The following DPY19L1 variants were observed in gnomAD, a reference collection of about 807,000 sequenced individuals.
DPY19L1 encodes protein C-mannosyl-transferase DPY19L1.
A neutral mutation model predicts 96.9 loss-of-function variants in DPY19L1; 35 were observed. That is an observed-to-expected ratio of 0.36 (90% CI 0.28 to 0.48). DPY19L1 has a LOEUF of 0.48. Ranked by LOEUF, DPY19L1 falls within the 20% of genes least tolerant of loss-of-function variation. The pLI, the probability that DPY19L1 is intolerant of heterozygous loss-of-function variation, is 0.99. For synonymous variants in DPY19L1, 205 were observed against 252.6 expected (o/e 0.81, Z 1.79); for missense variants, 521 against 777.9 (o/e 0.67, Z 3.93).
chr7:34,964,592 T>C (rs1415066319), intron 10 of DPY19L1, among the ~76,000 whole-genome samples: 2 of 152,162 alleles, frequency 1.3e-5, no homozygotes, highest in Admixed American at 1.3e-4. Flanking sequence ...TTAATGTTAA[T>C]TCATTATAGT....
At chr7:35,037,836 G>A (rs1462285747), upstream of DPY19L1, 3 of 1,231,598 alleles carry the variant, frequency 2.4e-6, no homozygotes, top group Non-Finnish European at 3.0e-6. Context: ...CGCCCGCGCG[G>A]GGCTCGGCCG....
At chr7:35,037,610 C>G, upstream of DPY19L1, 1 of 245,908 alleles carries the variant, frequency 4.1e-6, no homozygotes, top group Non-Finnish European at 7.6e-6. Context: ...CGGCGCCGGA[C>G]TTGCTAGCCC....
At chr7:34,999,692 T>A (rs1785377754) in intron 6 of DPY19L1, among the ~76,000 whole-genome samples, 1 of 152,210 alleles carries the variant, frequency 6.6e-6, no homozygotes, top group Admixed American at 6.5e-5. Flanking sequence ...ATGGATTTTA[T>A]ACATTTGACA....
chr7:35,021,316 T>C (rs1785990569), intron 1 of DPY19L1, among the ~76,000 whole-genome samples: 1 of 152,190 alleles, frequency 6.6e-6, no homozygotes. Context: ...CATCCCTCTA[T>C]GTCCTTAAAA....
chr7:35,001,111 T>C (rs190869000), intron 6 of DPY19L1, among the ~76,000 whole-genome samples: 66 of 152,320 alleles, frequency 4.3e-4, no homozygotes, highest in Non-Finnish European at 7.2e-4. Context: ...GAAAACCATA[T>C]GGATTAAATG....
In DPY19L1 at chr7:34,990,668, T is replaced by G. The variant is rs369308481; in HGVS notation, c.765-727A>C. 9.9e-5 allele frequency among the ~76,000 whole-genome samples: 15 copies of G among 152,266 alleles called. No homozygotes were observed. The East Asian group carries it at 2.1e-3, about 22-fold the overall frequency. ...TAACCTTCATTTGCTCAGATGAGAG[T>G]GAAATATGTTCCCTATTGTCCCCCA... On this transcript the variant is annotated intron_variant, in intron 6 of 21. Transcript: ENST00000638088.
chr7:34,985,896 G>A lies in DPY19L1; in HGVS notation c.822+3988C>T, dbSNP rs978817284. On this transcript the variant is annotated intron_variant, in intron 7 of 21. Transcript: ENST00000638088. ...GCATTATTCACAATAGCCAAGACAC[G>A]GAAGCAACCCTAAGTGTCCATAAAG... is the stretch of plus-strand genomic sequence containing the variant. Among the ~76,000 whole-genome samples the A allele has an allele frequency of 5.3e-5, 8 of 151,854 alleles. 1 individual carries two copies. The highest frequency in any genetic ancestry group is 3.9e-4 in the Admixed American group (6 of 15,234).
chr7:35,011,900 A>G (rs572808466), intron 4 of DPY19L1, among the ~76,000 whole-genome samples: 1 of 152,364 alleles, frequency 6.6e-6, no homozygotes, highest in East Asian at 1.9e-4. Flanking sequence ...GAATGTTTTA[A>G]CAGATATTAA....
intron 1 of DPY19L1, among the ~76,000 whole-genome samples, chr7:35,028,914 G>A (rs1786195122): frequency 6.6e-6 from 1 of 152,134 alleles, no homozygotes; most frequent in Non-Finnish European, 1.5e-5. Context: ...TGGTGGATAT[G>A]TCTTTTAGCA....
intron 7 of DPY19L1, among the ~76,000 whole-genome samples, chr7:34,983,477 A>T (rs1784981989): frequency 6.6e-6 from 1 of 151,324 alleles, no homozygotes; most frequent in Non-Finnish European, 1.5e-5. Context: ...AAATTCTAAG[A>T]AGGAACGAAG....
intron 15 of DPY19L1, 150 bp from the exon 16 acceptor site, chr7:34,945,866 A>G: frequency 1.6e-6 from 1 of 641,930 alleles, no homozygotes; most frequent in Non-Finnish European, 2.7e-6. Flanking sequence ...ACATAATCTT[A>G]TATTTGTATA....
intron 6 of DPY19L1, among the ~76,000 whole-genome samples, chr7:35,009,296 T>C (rs1453443168): frequency 1.3e-5 from 2 of 152,194 alleles, no homozygotes; most frequent in Non-Finnish European, 2.9e-5. Flanking sequence ...TTATCCCAAA[T>C]TGAAAATCAT....
intron 8 of DPY19L1, among the ~76,000 whole-genome samples, chr7:34,970,207 T>C (rs1784695916): frequency 6.6e-6 from 1 of 152,152 alleles, no homozygotes; most frequent in Non-Finnish European, 1.5e-5. Flanking sequence ...GTTGATATAC[T>C]GAGGTGATGA....
At chr7:35,000,593 C>G (rs1785401862) in intron 6 of DPY19L1, 1 of 152,062 alleles carries the variant, frequency 6.6e-6, no homozygotes, top group Non-Finnish European at 1.5e-5. Context: ...CAATAGGATC[C>G]TGAAAAATGG....
chr7:34,958,621 T>C (rs1197117711), intron 10 of DPY19L1, among the ~76,000 whole-genome samples: 1 of 152,236 alleles, frequency 6.6e-6, no homozygotes, highest in Admixed American at 6.5e-5. Context: ...AGAAGTGAAA[T>C]TGATGGATCA....
chr7:35,012,093 G>A (rs977581213), intron 4 of DPY19L1, among the ~76,000 whole-genome samples: 11 of 152,158 alleles, frequency 7.2e-5, no homozygotes, highest in Non-Finnish European at 1.0e-4. Context: ...CCCTCCATGG[G>A]AACTGCCCAT....
chr7:34,971,499 G>C (rs1266725116), intron 8 of DPY19L1, among the ~76,000 whole-genome samples: 2 of 152,160 alleles, frequency 1.3e-5, no homozygotes, highest in African/African-American at 4.8e-5. Context: ...GATCAAGATG[G>C]GATGGATCTG....
chr7:34,937,646 T>G (rs1039076049), intron 21 of DPY19L1, among the ~76,000 whole-genome samples: 4 of 152,084 alleles, frequency 2.6e-5, no homozygotes, highest in African/African-American at 9.7e-5. Flanking sequence ...CTAAAAAGTT[T>G]TTTCAGGCCA....
chr7:35,037,732 G>A, upstream of DPY19L1: 2 of 883,772 alleles, frequency 2.3e-6, no homozygotes, highest in South Asian at 5.3e-5. Context: ...CTCTGCGCCG[G>A]ACGCGCGCTC....
Sources: allele counts gnomAD v4.1 joint callset (sites outside exome capture counted in the v4.1 genomes callset), GRCh38; gene constraint gnomAD v4.1.1; transcripts MANE v1.5; gene names NCBI Gene and HGNC (gene_info 2026-07-23, HGNC 2026-07-21).